The following NAV1 variants were observed in gnomAD, a reference collection of about 807,000 sequenced individuals.
NAV1 encodes neuron navigator 1, also known as pore membrane and/or filament interacting like protein 3.
NAV1 carries 18 observed loss-of-function variants against 175.2 expected under a neutral mutation model. The ratio of observed to expected loss-of-function variants is 0.10; its 90% CI spans 0.07 to 0.15. The LOEUF is 0.15. Ranked by LOEUF, NAV1 falls within the 10% of genes least tolerant of loss-of-function variation. NAV1 has a pLI of 1.00. For synonymous variants in NAV1, 897 were observed against 978.7 expected (o/e 0.92, Z 1.56); for missense variants, 1,731 against 2,436.6 (o/e 0.71, Z 6.10).
At chr1:201,781,820 A>C (rs1359528645) in intron 5 of NAV1, among the ~76,000 whole-genome samples, 1 of 152,128 alleles carries the variant, frequency 6.6e-6, no homozygotes, top group Non-Finnish European at 1.5e-5. Flanking sequence ...TTACTAAGAG[A>C]TATTGTCATA....
chr1:201,635,070 ACT>A (rs1210907654), intron 2 of NAV1, among the ~76,000 whole-genome samples: 1 of 151,896 alleles, frequency 6.6e-6, no homozygotes, highest in African/African-American at 2.4e-5. Flanking sequence ...ACAGAGTCTC[ACT>A]CTGTCACCCA....
At chr1:201,802,457 TA>T (rs34494216) in intron 15 of NAV1, among the ~76,000 whole-genome samples, 83 of 101,086 alleles carry the variant, frequency 8.2e-4, no homozygotes, top group African/African-American at 2.7e-3. Flanking sequence ...CCTGTCTCAT[TA>T]AAAAAAAAAA....
rs567837724 is a variant in NAV1 at position 201,688,029 on chromosome 1, A to G, written c.758-24788A>G. Among the ~76,000 whole-genome samples, 5 of 152,402 alleles carry G rather than the reference A, an allele frequency of 3.3e-5. 1 individual carries two copies. In the South Asian group the frequency reaches 1.0e-3, roughly 32 times the overall value. On this transcript the variant is annotated intron_variant, in intron 1 of 29. Coordinates refer to ENST00000367296, the Ensembl canonical transcript of NAV1. Reference sequence around the variant, plus strand: ...CATGAAAGTGACAATGCAGATGATTACATGTGTCAGATGAACTTGGTTGTA... The same window carrying G: ...CATGAAAGTGACAATGCAGATGATTGCATGTGTCAGATGAACTTGGTTGTA...
intron 1 of NAV1, among the ~76,000 whole-genome samples, chr1:201,709,085 G>A (rs536529990): frequency 1.1e-4 from 16 of 149,712 alleles, no homozygotes; most frequent in Non-Finnish European, 2.1e-4. Context: ...GGGAAGTTGA[G>A]CCTGCAGTGA....
At chr1:201,729,242 G>A (rs905891145) in intron 3 of NAV1, among the ~76,000 whole-genome samples, 3 of 152,248 alleles carry the variant, frequency 2.0e-5, no homozygotes, top group African/African-American at 2.4e-5. Context: ...CAGGCCTGGT[G>A]TTCAGATCCC....
chr1:201,727,595 AC>A (rs891514223), intron 3 of NAV1, among the ~76,000 whole-genome samples: 26 of 152,204 alleles, frequency 1.7e-4, no homozygotes, highest in African/African-American at 6.0e-4. Context: ...TGGGCCGGGC[AC>A]CCCCAGAAGC....
chr1:201,783,577 C>A (rs568935530), exon 7 of NAV1: 6 of 1,614,078 alleles, frequency 3.7e-6, no homozygotes, highest in East Asian at 2.2e-5. Context: ...GCTTCACCCC[C>A]AGTCCGGCAC....
At chr1:201,706,908 C>T (rs545333235) in intron 1 of NAV1, among the ~76,000 whole-genome samples, 9 of 152,268 alleles carry the variant, frequency 5.9e-5, no homozygotes, top group South Asian at 2.1e-4. Flanking sequence ...TCTTCCTGAA[C>T]GTCTCTGAAT....
intron 3 of NAV1, among the ~76,000 whole-genome samples, chr1:201,734,274 GGCTTGCACCTGTGGTC>G (rs571557294): frequency 6.7e-4 from 102 of 151,958 alleles, no homozygotes; most frequent in African/African-American, 2.3e-3. Context: ...TGGCGATGAT[GGCTTGCACCTGTGGTC>G]CCAGCAACTC....
chr1:201,768,122 C>T (rs529163753), intron 3 of NAV1, among the ~76,000 whole-genome samples: 48 of 151,546 alleles, frequency 3.2e-4, no homozygotes, highest in African/African-American at 1.0e-3. Flanking sequence ...GTCAGGAGTT[C>T]GAGACCAGCC....
intron 1 of NAV1, among the ~76,000 whole-genome samples, chr1:201,573,688 A>G (rs61819723): frequency 0.19 from 29,402 of 152,130 alleles, 3,282 homozygotes; most frequent in African/African-American, 0.31. Context: ...AAAATATATA[A>G]AATGGTGCCA....
At chr1:201,572,529 C>G (rs1022546849) in intron 1 of NAV1, among the ~76,000 whole-genome samples, 2 of 151,708 alleles carry the variant, frequency 1.3e-5, no homozygotes, top group Non-Finnish European at 2.9e-5. Context: ...CCACCATGCC[C>G]GGCTAATTTT....
chr1:201,684,481 T>TA (rs1165637587), intron 1 of NAV1, among the ~76,000 whole-genome samples: 1 of 150,480 alleles, frequency 6.6e-6, no homozygotes, highest in East Asian at 2.0e-4. Context: ...CAGCCTTTTT[T>TA]TTTTTTTTTT....
rs191144984 is a variant in NAV1 at position 201,567,700 on chromosome 1, T to C, written c.-143-20839T>C. Among the ~76,000 whole-genome samples the C allele has an allele frequency of 4.3e-3, 658 of 152,258 alleles. 4 individuals are homozygous for C. Among genetic ancestry groups the C allele is most frequent in the Admixed American group, 7.1e-3 (109 of 15,298 alleles). ...GTGGCCAGGGTCTACCTGCCGCTGC[T>C]TTGTGGAGGAAGGTGGAGACTGTCT... On this transcript the variant is annotated intron_variant, in intron 1 of 33. Coordinates refer to the NAV1 transcript ENST00000685211.
At chr1:201,656,146 C>T (rs950588124) in intron 1 of NAV1, among the ~76,000 whole-genome samples, 6 of 152,346 alleles carry the variant, frequency 3.9e-5, no homozygotes, top group Admixed American at 1.3e-4. Flanking sequence ...AGCCAGGGCT[C>T]GGCAGGGTCT....
chr1:201,785,230 T>C, intron 7 of NAV1, 80 bp from the exon 12 acceptor site: 2 of 1,489,090 alleles, frequency 1.3e-6, no homozygotes, highest in Non-Finnish European at 1.8e-6. Context: ...CTCACACCAA[T>C]GGTCCTAAAC....
intron 3 of NAV1, among the ~76,000 whole-genome samples, chr1:201,732,263 C>T (rs1193757136): frequency 1.3e-5 from 2 of 152,276 alleles, no homozygotes; most frequent in South Asian, 2.1e-4. Context: ...GCAAGTGCCA[C>T]GATGCTATTT....
intron 8 of NAV1, 45 bp from the exon 13 acceptor site, chr1:201,786,384 C>T (rs750987062): frequency 5.1e-6 from 8 of 1,579,048 alleles, no homozygotes; most frequent in East Asian, 4.5e-5. Context: ...AACCTCTGAC[C>T]GCACTTGCTA....
chr1:201,579,065 G>A (rs1666773892), intron 1 of NAV1, among the ~76,000 whole-genome samples: 2 of 151,956 alleles, frequency 1.3e-5, no homozygotes, highest in East Asian at 1.9e-4. Context: ...CCTGGGAGGC[G>A]GAGGTTGCAG....
Sources: gnomAD v4.1 joint callset for allele counts (sites outside exome capture counted in the v4.1 genomes callset) on GRCh38, gnomAD v4.1.1 for gene constraint, MANE v1.5 for transcripts, NCBI Gene and HGNC (gene_info 2026-07-23, HGNC 2026-07-21) for gene names.